The following PCLO variants were observed in gnomAD, a reference collection of about 807,000 sequenced individuals.
PCLO encodes piccolo presynaptic cytomatrix protein, also known as protein piccolo.
PCLO carries 82 observed loss-of-function variants against 427.5 expected under a neutral mutation model. The ratio of observed to expected loss-of-function variants is 0.19; its 90% CI spans 0.16 to 0.23. PCLO has a LOEUF of 0.23. Among genes scored for constraint, PCLO ranks in the 10% least tolerant of loss-of-function variants. The probability of loss-of-function intolerance (pLI) is 1.00; values close to 1 mark genes in which losing one functional copy is unlikely to be tolerated. For synonymous variants in PCLO, 2,357 were observed against 2,155.4 expected, an observed-to-expected ratio of 1.09 and a Z score of -2.59; for missense variants, 6,239 against 6,115.9, an observed-to-expected ratio of 1.02 and a Z score of -0.67.
intron 22 of PCLO, among the ~76,000 whole-genome samples, chr7:82,782,551 C>T (rs966469107): frequency 6.6e-6 from 1 of 151,858 alleles, no homozygotes; most frequent in Admixed American, 6.6e-5. Context: ...CAGAAGAAGT[C>T]GAAAGAGAAG....
In PCLO at chr7:82,955,115, C is replaced by T. The variant is rs377696985; in HGVS notation, c.5838G>A (p.Leu1946=). 1 of 1,613,826 alleles carries T rather than the reference C, an allele frequency of 6.2e-7. No individual in the cohort carries two copies. Among genetic ancestry groups the T allele is most frequent in the East Asian group, 2.2e-5 (1 of 44,854 alleles). ...AATCCTCTATTAGCATCCCACCATA[C>T]AAAGGCTCTTTTTCAAACACTTCAT... The part of the protein sequence containing the change: ...ERDEVFEKEP[L]YGGMLIEDYI... Residue 1946 remains leucine, a synonymous_variant, in exon 5 of 25, where the codon TTG becomes TTA. Coordinates refer to ENST00000333891, the MANE Select transcript of PCLO (RefSeq NM_033026.6).
At chr7:82,810,049 C>T (rs1791537097) in intron 20 of PCLO, among the ~76,000 whole-genome samples, 1 of 151,434 alleles carries the variant, frequency 6.6e-6, no homozygotes, top group Non-Finnish European at 1.5e-5. Flanking sequence ...TCTGTGGGAG[C>T]CAGCACTATT....
intron 10 of PCLO, among the ~76,000 whole-genome samples, chr7:82,862,011 A>T (rs2115918869): frequency 6.6e-6 from 1 of 152,144 alleles, no homozygotes; most frequent in Non-Finnish European, 1.5e-5. Context: ...AAAAGAGAAA[A>T]AAGTTGAAAT....
chr7:82,908,899 G>A lies in PCLO; in HGVS notation c.13415C>T (p.Pro4472Leu). The A allele has an allele frequency of 6.2e-7, 1 of 1,612,636 alleles. No individual in the cohort carries two copies. Among genetic ancestry groups the A allele is most frequent in the Non-Finnish European group, 8.5e-7 (1 of 1,179,036 alleles). ...TACTTGCTCTTGATGTTGACTGAGT[G>A]GTCTAGAGTGGACCAATCTTTCCGG... The part of the protein sequence containing the change: ...KLPERLVHSR[P>L]LSQHQEQIIQ... The change falls in exon 8 of 25, where the codon CCA becomes CTA. Residue 4472 changes from proline to leucine, a missense_variant. Physicochemically the swap from Pro to Leu is moderately conservative, Grantham distance 98. Coordinates refer to ENST00000333891, the MANE Select transcript of PCLO (RefSeq NM_033026.6).
intron 6 of PCLO, among the ~76,000 whole-genome samples, chr7:82,932,821 GTTCT>G (rs772248369): frequency 2.0e-5 from 3 of 151,958 alleles, no homozygotes; most frequent in Non-Finnish European, 2.9e-5. Flanking sequence ...ACATCCTTAG[GTTCT>G]TTATGATTTC....
Position 83,134,237 on chromosome 7 carries a change from ATATAT to A in PCLO, c.3300+8_3300+12del, listed in dbSNP as rs757510217. The A allele has an allele frequency of 2.9e-5, 27 of 938,154 alleles. 1 individual carries two copies. The Middle Eastern group carries it at 1.6e-3, about 57-fold the overall frequency. 58.1% of individuals were successfully genotyped at this position (938,154 alleles called of 1,614,324 possible). A position where few individuals can be genotyped will look rare whatever the true frequency, so the allele number is the denominator to read the frequency against. ...ATATGTAATATATATATATATATAT[ATATAT>A]AACTTACCTCAGTCAAATGTGGTGT... On this transcript the variant is annotated splice_region_variant and intron_variant, in intron 3 of 24. Coordinates refer to ENST00000333891, the MANE Select transcript of PCLO (RefSeq NM_033026.6).
chr7:82,864,685 C>T (rs1488070396), intron 10 of PCLO, among the ~76,000 whole-genome samples: 1 of 152,016 alleles, frequency 6.6e-6, no homozygotes, highest in African/African-American at 2.4e-5. Flanking sequence ...AAACGTTATA[C>T]TTTAATTTAT....
rs950223413 is a variant in PCLO at position 82,756,845 on chromosome 7, C to A, written c.*1730G>T. On this transcript the variant is annotated 3_prime_UTR_variant, in exon 25 of 25. Coordinates refer to ENST00000333891, the MANE Select transcript of PCLO (RefSeq NM_033026.6). ...ATTTGCATTTTCATGTAATTCTTCACCTTTAGTCAGGTTAAAGTTTATATT... is the reference window on the plus strand; with the variant it reads ...ATTTGCATTTTCATGTAATTCTTCAACTTTAGTCAGGTTAAAGTTTATATT... The A allele has an allele frequency of 6.6e-6, 1 of 151,900 alleles. No individual in the cohort carries two copies. Among genetic ancestry groups the A allele is most frequent in the Non-Finnish European group, 1.5e-5 (1 of 67,964 alleles). 9.4% of individuals were successfully genotyped at this position (151,900 alleles called of 1,614,324 possible).
chr7:83,024,889 G>A (rs1788449170), intron 3 of PCLO, among the ~76,000 whole-genome samples: 1 of 152,054 alleles, frequency 6.6e-6, no homozygotes, highest in African/African-American at 2.4e-5. Context: ...CTGCAGCTGA[G>A]GGTCCTGTCT....
At chr7:83,093,493 T>TATATATA (rs61169701) in intron 3 of PCLO, among the ~76,000 whole-genome samples, 37 of 63,614 alleles carry the variant, frequency 5.8e-4, no homozygotes, top group African/African-American at 2.2e-3. Flanking sequence ...TATATATATA[T>TATATATA]TTTTTTTTTT....
chr7:82,931,135 T>C (rs1194875839), intron 6 of PCLO, among the ~76,000 whole-genome samples: 1 of 152,156 alleles, frequency 6.6e-6, no homozygotes, highest in African/African-American at 2.4e-5. Context: ...ATTTTACTTA[T>C]ATTAACTTAT....
chr7:82,772,541 C>T (rs1359062183), intron 22 of PCLO, among the ~76,000 whole-genome samples: 1 of 151,822 alleles, frequency 6.6e-6, no homozygotes, highest in Non-Finnish European at 1.5e-5. Context: ...TTGAAATAAC[C>T]CAGATTCAAC....
intron 9 of PCLO, among the ~76,000 whole-genome samples, chr7:82,891,727 TGA>T (rs1337557330): frequency 6.6e-6 from 1 of 152,082 alleles, no homozygotes; most frequent in Non-Finnish European, 1.5e-5. Context: ...CCTAATTTAT[TGA>T]GAGTTTTTAT....
chr7:82,866,696 A>C (rs868774323), intron 10 of PCLO, among the ~76,000 whole-genome samples: 43 of 140,520 alleles, frequency 3.1e-4, no homozygotes, highest in African/African-American at 1.1e-3. Context: ...ACACACACAC[A>C]CCCCTTTAAT....
At chr7:82,809,791 AT>A (rs545304725) in intron 20 of PCLO, among the ~76,000 whole-genome samples, 2 of 150,972 alleles carry the variant, frequency 1.3e-5, no homozygotes, top group Non-Finnish European at 3.0e-5. Flanking sequence ...TTAGGGAGTC[AT>A]TTTTTTTAGC....
At chr7:82,988,813 T>C (rs117686771) in intron 3 of PCLO, among the ~76,000 whole-genome samples, 1 of 151,716 alleles carries the variant, frequency 6.6e-6, no homozygotes, top group African/African-American at 2.4e-5. Context: ...GAATTTATTT[T>C]TTTTTATTTT....
chr7:83,093,492 A>ATATTTT, intron 3 of PCLO, among the ~76,000 whole-genome samples: 926 of 59,146 alleles, frequency 0.016, 20 homozygotes, highest in East Asian at 0.037. Flanking sequence ...ATATATATAT[A>ATATTTT]TTTTTTTTTT....
intron 3 of PCLO, among the ~76,000 whole-genome samples, chr7:83,117,278 C>T (rs577637298): frequency 5.5e-4 from 84 of 152,126 alleles, no homozygotes; most frequent in South Asian, 3.1e-3. Flanking sequence ...AGAGGCAGGC[C>T]CAAGAGTAAG....
chr7:82,888,127 TA>T (rs1382331202), intron 9 of PCLO, among the ~76,000 whole-genome samples: 1 of 151,396 alleles, frequency 6.6e-6, no homozygotes, highest in Non-Finnish European at 1.5e-5. Flanking sequence ...ACTGTCAAAA[TA>T]ATAAAATAGA....
Sources: allele counts gnomAD v4.1 joint callset (sites outside exome capture counted in the v4.1 genomes callset), GRCh38; gene constraint gnomAD v4.1.1; transcripts MANE v1.5; gene names NCBI Gene and HGNC (gene_info 2026-07-23, HGNC 2026-07-21).